The following ABR variants were observed in gnomAD, a reference collection of about 807,000 sequenced individuals.
ABR encodes ABR activator of RhoGEF and GTPase, also known as active breakpoint cluster region-related protein.
ABR carries 35 observed loss-of-function variants against 107.2 expected under a neutral mutation model. The observed-to-expected ratio is 0.33, with a 90% confidence interval of 0.25 to 0.43. The LOEUF (loss-of-function observed/expected upper bound fraction) is 0.43, where lower values mean the gene tolerates loss of function less well. ABR is among the 20% of genes least tolerant of loss of function. ABR has a pLI of 1.00. For synonymous variants in ABR, 498 were observed against 462.0 expected (o/e 1.08, Z -1.00); for missense variants, 815 against 1,115.2 (o/e 0.73, Z 3.83).
At chr17:1,068,730 G>A (rs2034968766) in intron 9 of ABR, among the ~76,000 whole-genome samples, 1 of 152,180 alleles carries the variant, frequency 6.6e-6, no homozygotes, top group Non-Finnish European at 1.5e-5. Context: ...ACCCTCCCGG[G>A]TAGAGAGAAG....
upstream of ABR, among the ~76,000 whole-genome samples, chr17:1,191,483 G>A (rs999065745): frequency 2.4e-4 from 35 of 147,412 alleles, no homozygotes; most frequent in Admixed American, 1.7e-3. Context: ...TCAGCCTCCC[G>A]AGTAGCTGGG....
chr17:1,054,335 A>C (rs1339083433), intron 14 of ABR, among the ~76,000 whole-genome samples: 1 of 152,232 alleles, frequency 6.6e-6, no homozygotes, highest in Non-Finnish European at 1.5e-5. Context: ...GCTCCCATGC[A>C]TCCCAGGGTA....
intron 1 of ABR, among the ~76,000 whole-genome samples, chr17:1,216,714 A>T (rs977649362): frequency 1.3e-5 from 2 of 152,264 alleles, no homozygotes; most frequent in Admixed American, 6.5e-5. Flanking sequence ...GTCTCTAAGG[A>T]CTGCGCTGTC....
Position 1,203,429 on chromosome 17 carries a change from C to CGGGGGCGGAGTCT in ABR, c.838+25363_838+25364insAGACTCCGCCCCC, listed in dbSNP as rs2042718878. Among the ~76,000 whole-genome samples, 12 of 6,066 alleles carry CGGGGGCGGAGTCT rather than the reference C, an allele frequency of 2.0e-3. 1 individual carries two copies. The East Asian group carries it at 0.043, about 22-fold the overall frequency. The allele number at this position is 6,066 out of a possible 152,430, so 4.0% of individuals were successfully genotyped here. A position where few individuals can be genotyped will look rare whatever the true frequency, so the allele number is the denominator to read the frequency against. The stretch of plus-strand genomic sequence containing the variant: ...GGGCGGAGTCTGCGGGGGCGGGGCC[C>CGGGGGCGGAGTCT]GCGGGGACGGAGTCTGCGGGGGCGG... On this transcript the variant is annotated intron_variant, in intron 1 of 22. Coordinates refer to the ABR transcript ENST00000574139.
intron 17 of ABR, 147 bp downstream of exon 17, chr17:1,012,958 G>A (rs2070755954): frequency 4.6e-6 from 5 of 1,095,036 alleles, no homozygotes; most frequent in Non-Finnish European, 6.8e-6. Flanking sequence ...GGCAGGGTGT[G>A]GGCAGGAGGG....
At chr17:1,178,408 C>CA (rs1407633299) in intron 1 of ABR, among the ~76,000 whole-genome samples, 1 of 151,894 alleles carries the variant, frequency 6.6e-6, no homozygotes, top group Non-Finnish European at 1.5e-5. Flanking sequence ...ACTAAAAATA[C>CA]AAAAAATTAG....
At chr17:1,049,836 G>A in intron 16 of ABR, 2 of 586,112 alleles carry the variant, frequency 3.4e-6, no homozygotes, top group Non-Finnish European at 5.9e-6. Flanking sequence ...AAGCGCAGAT[G>A]ACCCACCTGA....
upstream of ABR, among the ~76,000 whole-genome samples, chr17:1,181,672 C>T (rs908125174): frequency 2.0e-5 from 3 of 152,150 alleles, no homozygotes; most frequent in Admixed American, 6.5e-5. Flanking sequence ...CGGAGGACCG[C>T]GAGGCCGGAG....
At chr17:1,043,532 A>G (rs2031025252) in intron 16 of ABR, among the ~76,000 whole-genome samples, 1 of 151,326 alleles carries the variant, frequency 6.6e-6, no homozygotes, top group African/African-American at 2.4e-5. Flanking sequence ...TTTATTTTTT[A>G]TTTTTTTCAG....
At chr17:1,151,069 C>A (rs373183363) in intron 1 of ABR, among the ~76,000 whole-genome samples, 3 of 152,204 alleles carry the variant, frequency 2.0e-5, no homozygotes, top group East Asian at 3.9e-4. Flanking sequence ...CCCTTACCAG[C>A]TGTGTGACCT....
At position 1,004,899 on chromosome 17, in the gene ABR, G is replaced by C; in HGVS notation, c.*1181C>G. 1 of 397,648 alleles carries C rather than the reference G, an allele frequency of 2.5e-6. No individual in the cohort carries two copies. Among genetic ancestry groups the C allele is most frequent in the Admixed American group, 4.4e-5 (1 of 22,710 alleles). The allele number at this position is 397,648 out of a possible 1,614,324, so 24.6% of individuals were successfully genotyped here. The stretch of plus-strand genomic sequence containing the variant: ...GACCGTGGCAGTGCTTGGCTGTGGA[G>C]TGTGTGTAAAATCTAAGGCAAGAGT... On this transcript the variant is annotated 3_prime_UTR_variant, in exon 23 of 23. Coordinates refer to ENST00000302538, the MANE Select transcript of ABR (RefSeq NM_021962.5).
intron 1 of ABR, among the ~76,000 whole-genome samples, chr17:1,169,403 A>G (rs9899266): frequency 0.02 from 3,090 of 152,330 alleles, 108 homozygotes; most frequent in African/African-American, 0.07. Context: ...TGAGGTGTCC[A>G]ATCAATTGCT....
exon 1 of ABR, among the ~76,000 whole-genome samples, chr17:1,229,269 G>A (rs2043287947): frequency 6.6e-6 from 1 of 151,584 alleles, no homozygotes; most frequent in Non-Finnish European, 1.5e-5. Flanking sequence ...CCGGTGGACG[G>A]CGTCGGCCCA....
intron 16 of ABR, among the ~76,000 whole-genome samples, chr17:1,030,127 G>A (rs1459461798): frequency 2.6e-5 from 4 of 152,228 alleles, no homozygotes; most frequent in Admixed American, 6.5e-5. Flanking sequence ...GGAGCCACCA[G>A]GCACTGCCAG....
chr17:1,076,450 C>A, intron 6 of ABR, among the ~76,000 whole-genome samples: 1 of 152,000 alleles, frequency 6.6e-6, no homozygotes, highest in Non-Finnish European at 1.5e-5. Context: ...CCCAGAGACC[C>A]AAAAGAAAGC....
At position 1,070,202 on chromosome 17, in the gene ABR, GC is replaced by G. The variant is rs1597664437; in HGVS notation, c.895-113del. The stretch of plus-strand genomic sequence containing the variant: ...GAGGACTGGACCGAGAGGCGGCATA[GC>G]CTGTCATCCCTTAACCAAAGGTGGT... On this transcript the variant is annotated intron_variant, in intron 8 of 22. Transcript: ENST00000302538. This position sits in a 1 kb window ranked among gnomAD's most constrained non-coding sequence, Gnocchi z 4.2. 7.0e-7 allele frequency: 1 copy of G among 1,428,408 alleles called. No individual in the cohort carries two copies. The allele number at this position is 1,428,408 out of a possible 1,614,324, so 88.5% of individuals were successfully genotyped here.
chr17:1,180,221 C>A (rs374824429), upstream of ABR, among the ~76,000 whole-genome samples: 30 of 152,146 alleles, frequency 2.0e-4, no homozygotes, highest in East Asian at 5.7e-3. Flanking sequence ...CCCCTCGTCC[C>A]CCCCGCGCCG....
intron 2 of ABR, among the ~76,000 whole-genome samples, chr17:1,108,067 A>G (rs1029066747): frequency 1.3e-5 from 2 of 151,912 alleles, no homozygotes; most frequent in African/African-American, 4.9e-5. Flanking sequence ...GCACTCGGTT[A>G]GGCAGCCTCG....
Position 1,057,308 on chromosome 17 carries a change from T to TTGTG in ABR, c.1382-210_1382-207dup, listed in dbSNP as rs750525310. ...AGTAGGAGAATCTAACTGAAGAGGTTTGTGTGTGTGTGTGTGTGTGTGTGT... is the reference window on the plus strand; with the variant it reads ...AGTAGGAGAATCTAACTGAAGAGGTTTGTGTGTGTGTGTGTGTGTGTGTGTGTGT... On this transcript the variant is annotated intron_variant, in intron 12 of 22. Transcript: ENST00000302538. Among the ~76,000 whole-genome samples the TTGTG allele has an allele frequency of 4.1e-3, 278 of 67,950 alleles. 1 individual carries two copies. Among genetic ancestry groups the TTGTG allele is most frequent in the Non-Finnish European group, 6.4e-3 (208 of 32,722 alleles). The allele number at this position is 67,950 out of a possible 152,430, so 44.6% of individuals were successfully genotyped here.
Sources: gnomAD v4.1 joint callset for allele counts (sites outside exome capture counted in the v4.1 genomes callset) on GRCh38, gnomAD v4.1.1 for gene constraint, Gnocchi (gnomAD v3.1) non-coding constraint, MANE v1.5 for transcripts, NCBI Gene and HGNC (gene_info 2026-07-23, HGNC 2026-07-21) for gene names.